Variants in MARCHF1 observed in about 807,000 individuals in gnomAD.
The protein encoded by MARCHF1 is membrane associated ring-CH-type finger 1, also known as E3 ubiquitin-protein ligase MARCHF1.
MARCHF1 carries 40 observed loss-of-function variants against 54.2 expected under a neutral mutation model. That is an observed-to-expected ratio of 0.74 (90% CI 0.57 to 0.96). MARCHF1 has a LOEUF of 0.96. MARCHF1 is among the 40% of genes least tolerant of loss of function. The pLI, the probability that MARCHF1 is intolerant of heterozygous loss-of-function variation, is 0.00. For missense variants in MARCHF1, 586 were observed against 656.5 expected, an observed-to-expected ratio of 0.89 and a Z score of 1.17; for synonymous variants, 236 against 236.3, an observed-to-expected ratio of 1.00 and a Z score of 0.01.
intron 4 of MARCHF1, among the ~76,000 whole-genome samples, chr4:163,831,007 A>G (rs1047420505): frequency 1.3e-5 from 2 of 152,186 alleles, no homozygotes; most frequent in African/African-American, 2.4e-5. Context: ...TGTTCCAAGC[A>G]TCGTCCTAGT....
chr4:164,033,200 G>T (rs1186812350), intron 2 of MARCHF1, among the ~76,000 whole-genome samples: 1 of 150,876 alleles, frequency 6.6e-6, no homozygotes, highest in Non-Finnish European at 1.5e-5. Flanking sequence ...AAGAAAAGGT[G>T]CTGGGAAAAC....
At chr4:164,365,455 A>G (rs1578902883) in intron 1 of MARCHF1, among the ~76,000 whole-genome samples, 1 of 152,108 alleles carries the variant, frequency 6.6e-6, no homozygotes, top group Non-Finnish European at 1.5e-5. Flanking sequence ...GAAAATAAAC[A>G]TAACTGTAGA....
intron 1 of MARCHF1, among the ~76,000 whole-genome samples, chr4:164,255,485 C>T (rs184704619): frequency 1.3e-5 from 2 of 149,622 alleles, no homozygotes; most frequent in African/African-American, 4.9e-5. Context: ...AACAACGCCA[C>T]GCATGAAAAT....
intron 5 of MARCHF1, among the ~76,000 whole-genome samples, chr4:163,642,270 GACTTAT>G (rs1742581472): frequency 6.6e-6 from 1 of 152,142 alleles, no homozygotes; most frequent in Admixed American, 6.6e-5. Flanking sequence ...GGAAAAGACA[GACTTAT>G]ACATTCTTTT....
At chr4:164,273,054 A>AC (rs1553997538) in intron 1 of MARCHF1, among the ~76,000 whole-genome samples, 1 of 146,420 alleles carries the variant, frequency 6.8e-6, no homozygotes, top group East Asian at 2.0e-4. Flanking sequence ...TAGTAAGATA[A>AC]TTTTTTTTTT....
At chr4:163,987,767 T>C (rs1752898421) in intron 3 of MARCHF1, among the ~76,000 whole-genome samples, 2 of 152,180 alleles carry the variant, frequency 1.3e-5, no homozygotes, top group Non-Finnish European at 2.9e-5. Flanking sequence ...CTGTGTTGAG[T>C]TCAATCCCTT....
intron 4 of MARCHF1, among the ~76,000 whole-genome samples, chr4:163,783,778 C>A (rs1173675157): frequency 1.3e-5 from 2 of 152,032 alleles, no homozygotes; most frequent in African/African-American, 4.8e-5. Context: ...TTTTTTCTTG[C>A]CTGCAATGCT....
At chr4:163,614,390 T>C (rs2110936841) in intron 5 of MARCHF1, among the ~76,000 whole-genome samples, 1 of 152,182 alleles carries the variant, frequency 6.6e-6, no homozygotes, top group Non-Finnish European at 1.5e-5. Context: ...CACTGATAGG[T>C]GGTAACGCTG....
intron 7 of MARCHF1, among the ~76,000 whole-genome samples, chr4:163,611,445 A>T (rs1741336517): frequency 6.6e-6 from 1 of 152,130 alleles, no homozygotes; most frequent in Non-Finnish European, 1.5e-5. Context: ...AAACATAACA[A>T]GTATTGCGCA....
intron 1 of MARCHF1, among the ~76,000 whole-genome samples, chr4:164,195,595 G>C (rs1731233832): frequency 6.6e-6 from 1 of 152,064 alleles, no homozygotes; most frequent in African/African-American, 2.4e-5. Flanking sequence ...ATGACTCCCT[G>C]ACTTGTGCTT....
chr4:163,625,114 A>G (rs916199908), intron 5 of MARCHF1, among the ~76,000 whole-genome samples: 1 of 152,210 alleles, frequency 6.6e-6, no homozygotes, highest in Admixed American at 6.5e-5. Flanking sequence ...CTCATTTTAT[A>G]TTCCCAAACA....
intron 4 of MARCHF1, among the ~76,000 whole-genome samples, chr4:163,735,228 C>A (rs1358625622): frequency 6.6e-6 from 1 of 152,148 alleles, no homozygotes; most frequent in South Asian, 2.1e-4. Flanking sequence ...CATCCTATTA[C>A]CCCAATCCAC....
chr4:164,031,226 G>A (rs1316139641), intron 2 of MARCHF1, among the ~76,000 whole-genome samples: 1 of 151,996 alleles, frequency 6.6e-6, no homozygotes, highest in Non-Finnish European at 1.5e-5. Flanking sequence ...TTTTGGGATG[G>A]TATATGTGTC....
At chr4:164,336,607 T>C (rs1729748706) in intron 1 of MARCHF1, among the ~76,000 whole-genome samples, 1 of 152,230 alleles carries the variant, frequency 6.6e-6, no homozygotes, top group Non-Finnish European at 1.5e-5. Flanking sequence ...TATACTTATG[T>C]TGAGGATAAA....
chr4:164,241,878 G>A (rs1274453725), intron 1 of MARCHF1, among the ~76,000 whole-genome samples: 1 of 152,190 alleles, frequency 6.6e-6, no homozygotes, highest in African/African-American at 2.4e-5. Context: ...ATGGCACCTG[G>A]AAAATCAGGT....
intron 3 of MARCHF1, among the ~76,000 whole-genome samples, chr4:163,888,871 T>C (rs747928303): frequency 2.0e-5 from 3 of 152,162 alleles, no homozygotes; most frequent in Non-Finnish European, 2.9e-5. Context: ...CTGTTGTTCC[T>C]TAATTTCTAC....
At chr4:163,708,529 T>C (rs896278794) in intron 4 of MARCHF1, among the ~76,000 whole-genome samples, 2 of 152,130 alleles carry the variant, frequency 1.3e-5, no homozygotes, top group Admixed American at 6.6e-5. Flanking sequence ...CATGCAGTCA[T>C]AAAAAATGAA....
chr4:163,773,227 G>C (rs1747210445), intron 4 of MARCHF1, among the ~76,000 whole-genome samples: 1 of 152,104 alleles, frequency 6.6e-6, no homozygotes, highest in African/African-American at 2.4e-5. Flanking sequence ...GACAGAAATG[G>C]GGAGAGGAGG....
chr4:164,351,562 G>A (rs1730335834), intron 1 of MARCHF1, among the ~76,000 whole-genome samples: 1 of 152,160 alleles, frequency 6.6e-6, no homozygotes, highest in Non-Finnish European at 1.5e-5. Flanking sequence ...CTGTCTGTTA[G>A]AAGGAAAACT....
Sources: gnomAD v4.1 joint callset for allele counts (sites outside exome capture counted in the v4.1 genomes callset) on GRCh38, gnomAD v4.1.1 for gene constraint, MANE v1.5 for transcripts, NCBI Gene and HGNC (gene_info 2026-07-23, HGNC 2026-07-21) for gene names.